ETV3: variants seen among roughly 807,000 people sequenced by gnomAD.
The protein encoded by ETV3 is ETS translocation variant 3.
Under a neutral mutation model 33.0 loss-of-function variants are expected in ETV3, and 8 were observed. The observed-to-expected ratio is 0.24, with a 90% CI of 0.14 to 0.44. The LOEUF (loss-of-function observed/expected upper bound fraction) is 0.44. ETV3 is among the 20% of genes least tolerant of loss of function. The probability of loss-of-function intolerance (pLI) is 1.00; values close to 1 mark genes in which losing one functional copy is unlikely to be tolerated. For synonymous variants in ETV3, 222 were observed against 238.9 expected, an observed-to-expected ratio of 0.93 and a Z score of 0.65; for missense variants, 473 against 652.3, an observed-to-expected ratio of 0.73 and a Z score of 2.99.
intron 4 of ETV3, 72 bp downstream of exon 4, chr1:157,134,040 T>A: frequency 6.3e-7 from 1 of 1,580,346 alleles, no homozygotes; most frequent in Middle Eastern, 1.8e-4. Context: ...ACATGCCATG[T>A]CTTAGATTTG....
chr1:157,137,391 ATCTTTT>A (rs1675140260), intron 1 of ETV3, among the ~76,000 whole-genome samples: 1 of 151,950 alleles, frequency 6.6e-6, no homozygotes, highest in African/African-American at 2.4e-5. Flanking sequence ...ATTTCTCTAG[ATCTTTT>A]GAATATTTTT....
intron 4 of ETV3, chr1:157,133,772 T>C: frequency 1.9e-6 from 2 of 1,042,802 alleles, no homozygotes; most frequent in Non-Finnish European, 2.3e-6. Flanking sequence ...AAAGAACCAC[T>C]GGGCTGGGTG....
Position 157,125,430 on chromosome 1 carries a change from C to T in ETV3, c.950G>A (p.Arg317Gln), listed in dbSNP as rs1267744528. The T allele has an allele frequency of 1.2e-5, 18 of 1,552,164 alleles. No homozygotes were observed. The highest frequency in any genetic ancestry group is 2.4e-5 in the East Asian group (1 of 40,918). The part of the protein sequence containing the change: ...CSVFNYHLSP[R>Q]TFPRYPGLMV... ...GAGCCCTGGGTAACGGGGAAAAGTC[C>T]GAGGACTCAGATGGTAGTTGAACAC... is the stretch of plus-strand genomic sequence containing the variant. The change falls in exon 5 of 5, where the codon CGG (arginine) becomes CAG (glutamine). Residue 317 changes from arginine to glutamine, a missense_variant. Around this residue, in one of 3 missense-constraint regions of ETV3, gnomAD observed 410 missense variants for 520.2 expected, o/e 0.79. Transcript: ENST00000368192. This position sits in a 1 kb window ranked among gnomAD's most constrained non-coding sequence, Gnocchi z 4.0.
At chr1:157,128,438 A>G in intron 4 of ETV3, 1 of 329,962 alleles carries the variant, frequency 3.0e-6, no homozygotes, top group Non-Finnish European at 6.2e-6. Context: ...AAGGGAGGCA[A>G]GCACGAGACT....
rs1249614006 is a variant in ETV3, at chr1:157,135,679, T to C, written c.76A>G (p.Thr26Ala). ...TGCCGGGAGCCTGGGGATGACTCTG[T>C]TTTGTAGGCCCAGTCAGGAAACTGA... ...GYQFPDWAYK[T>A]ESSPGSRQIQ... The change falls in exon 3 of 5, where the codon ACA becomes GCA. Residue 26 changes from threonine to alanine, a missense_variant. Thr to Ala is a moderately conservative substitution (Grantham distance 58, BLOSUM62 0). This residue lies in a region of ETV3 where 33 missense variants were observed against 37.1 expected (regional missense o/e 0.89). Coordinates refer to ENST00000368192, the MANE Select transcript of ETV3 (RefSeq NM_001145312.3). The C allele has an allele frequency of 5.0e-6, 8 of 1,614,194 alleles. No homozygotes were observed. Among genetic ancestry groups the C allele is most frequent in the South Asian group, 1.1e-5 (1 of 91,082 alleles).
rs1263715425 is a variant in ETV3, at chr1:157,123,151, C to G, written c.*1690G>C. The G allele has an allele frequency of 6.6e-6, 1 of 152,272 alleles. No homozygotes were observed. The highest frequency in any genetic ancestry group is 2.4e-5 in the African/African-American group (1 of 41,464). 9.4% of individuals were successfully genotyped at this position (152,272 alleles called of 1,614,324 possible). On this transcript the variant is annotated 3_prime_UTR_variant, in exon 5 of 5. Transcript: ENST00000368192. ...AAATGTCTCTAATTGTAGACACCAT[C>G]TCTGTGCCACCCTTCCTCTCATCGG...
At chr1:157,137,092 T>C (rs1040310608) in intron 1 of ETV3, among the ~76,000 whole-genome samples, 2 of 152,128 alleles carry the variant, frequency 1.3e-5, no homozygotes, top group Non-Finnish European at 2.9e-5. Flanking sequence ...TTCTGGCCAG[T>C]GAGTGGAAGG....
chr1:157,130,069 C>T (rs903236972), intron 4 of ETV3, among the ~76,000 whole-genome samples: 1 of 152,096 alleles, frequency 6.6e-6, no homozygotes, highest in African/African-American at 2.4e-5. Flanking sequence ...GTCTTGAACA[C>T]CTGACCTCGT....
intron 4 of ETV3, 167 bp downstream of exon 4, chr1:157,133,945 C>G (rs1161000927): frequency 2.8e-6 from 4 of 1,440,808 alleles, no homozygotes; most frequent in Non-Finnish European, 3.6e-6. Flanking sequence ...GCCTATAACT[C>G]TCCTTATAAG....
intron 4 of ETV3, 138 bp downstream of exon 4, chr1:157,133,974 A>T: frequency 4.1e-6 from 6 of 1,459,404 alleles, no homozygotes; most frequent in Non-Finnish European, 4.5e-6. Flanking sequence ...CTTGAGTAAG[A>T]ACATTGAGGC....
At chr1:157,135,952 T>C (rs748123870) in intron 2 of ETV3, among the ~76,000 whole-genome samples, 2 of 152,202 alleles carry the variant, frequency 1.3e-5, no homozygotes, top group African/African-American at 4.8e-5. Flanking sequence ...AAGCTGACCT[T>C]TTCATACATT....
intron 4 of ETV3, among the ~76,000 whole-genome samples, chr1:157,127,804 C>T (rs1674876150): frequency 6.6e-6 from 1 of 152,164 alleles, no homozygotes; most frequent in African/African-American, 2.4e-5. Context: ...GCTTCAGCCT[C>T]CCAAAGTGCT....
chr1:157,135,824 A>G (rs1465796645), intron 2 of ETV3, 116 bp from the exon 3 acceptor site: 1 of 1,031,228 alleles, frequency 9.7e-7, no homozygotes, highest in Admixed American at 2.0e-5. Context: ...ACATGCTGTA[A>G]GTACTCTCAG....
rs1387786644 is a variant in ETV3, at chr1:157,124,172, T to G, written c.*669A>C. On this transcript the variant is annotated 3_prime_UTR_variant, in exon 5 of 5. Coordinates refer to ENST00000368192, the MANE Select transcript of ETV3 (RefSeq NM_001145312.3). ...AGCCCCACTATAATTGGCAGTATGT[T>G]TGTTCATGTTTCCTGAAAACATTTT... The G allele has an allele frequency of 6.6e-6, 1 of 150,960 alleles. No individual in the cohort carries two copies. The highest frequency in any genetic ancestry group is 6.6e-5 in the Admixed American group (1 of 15,136). 9.4% of individuals were successfully genotyped at this position (150,960 alleles called of 1,614,324 possible).
intron 4 of ETV3, chr1:157,133,323 T>A (rs1675017949): frequency 1.2e-6 from 1 of 843,570 alleles, no homozygotes; most frequent in Non-Finnish European, 1.4e-6. Context: ...GTACTATCTG[T>A]GGTTTGCGAA....
At chr1:157,127,751 T>C (rs1674875015) in intron 4 of ETV3, among the ~76,000 whole-genome samples, 1 of 152,130 alleles carries the variant, frequency 6.6e-6, no homozygotes, top group East Asian at 1.9e-4. Flanking sequence ...TTCACCATGT[T>C]GGCCAGGCTG....
chr1:157,124,770 T>TG lies in ETV3; in HGVS notation c.*70dup. 2.2e-5 allele frequency: 1 copy of TG among 45,568 alleles called. No homozygotes were observed. 2.8% of individuals were successfully genotyped at this position (45,568 alleles called of 1,614,324 possible). ...CAGTTTAACTCCCTCCCCCCCACCC[T>TG]GAAATCTTGCTACATAAATACATGT... On this transcript the variant is annotated 3_prime_UTR_variant, in exon 5 of 5. Transcript: ENST00000368192.
intron 2 of ETV3, 128 bp downstream of exon 2, chr1:157,136,179 G>T: frequency 2.2e-6 from 2 of 892,108 alleles, no homozygotes; most frequent in Non-Finnish European, 3.7e-6. Context: ...CAACTGTCCT[G>T]CCAGTATCCA....
At chr1:157,131,714 C>T (rs1486939358) in intron 4 of ETV3, among the ~76,000 whole-genome samples, 3 of 152,216 alleles carry the variant, frequency 2.0e-5, no homozygotes, top group Non-Finnish European at 2.9e-5. Flanking sequence ...TCAAGACATT[C>T]ACTTCACTGG....
Sources: allele counts gnomAD v4.1 joint callset (sites outside exome capture counted in the v4.1 genomes callset), GRCh38; gene constraint gnomAD v4.1.1; regional missense constraint gnomAD v4.1.1; non-coding constraint Gnocchi (gnomAD v3.1); transcripts MANE v1.5; gene names NCBI Gene and HGNC (gene_info 2026-07-23, HGNC 2026-07-21).